ZNF488: variants seen among roughly 807,000 people sequenced by gnomAD.
ZNF488 encodes zinc finger protein 488.
In ZNF488, 1 loss-of-function variant was observed where a neutral mutation model predicts 1.2. The ratio of observed to expected loss-of-function variants is 0.86; its 90% CI spans 0.30 to 4.07. The LOEUF (loss-of-function observed/expected upper bound fraction) is 4.07. ZNF488 is among the 30% of genes most tolerant of loss of function. The probability of loss-of-function intolerance (pLI) is 0.18; values close to 1 mark genes in which losing one functional copy is unlikely to be tolerated. For missense variants in ZNF488, 450 were observed against 437.9 expected (o/e 1.03, Z -0.25); for synonymous variants, 185 against 190.1 (o/e 0.97, Z 0.22).
At position 47,384,234 on chromosome 10, in the gene ZNF488, G is replaced by T. The variant is rs1838095226; in HGVS notation, c.-123C>A. On this transcript the variant is annotated 5_prime_UTR_variant, in exon 1 of 2. Transcript: ENST00000585316. Reference sequence around the variant, plus strand: ...GTGCGCCTCACCTGGGCTCTCTGGAGATGTGGAGCAAGAGGTGCTGGTGCA... The same window carrying T: ...GTGCGCCTCACCTGGGCTCTCTGGATATGTGGAGCAAGAGGTGCTGGTGCA... The T allele has an allele frequency of 6.6e-6, 1 of 152,488 alleles. No individual in the cohort carries two copies. The highest frequency in any genetic ancestry group is 6.5e-5 in the Admixed American group (1 of 15,290). 9.4% of individuals were successfully genotyped at this position (152,488 alleles called of 1,614,324 possible). A position where few individuals can be genotyped will look rare whatever the true frequency, so the allele number is the denominator to read the frequency against.
chr10:47,371,160 G>A (rs71498262), intron 1 of ZNF488, among the ~76,000 whole-genome samples: 7,933 of 152,298 alleles, frequency 0.052, 277 homozygotes, highest in Middle Eastern at 0.16. Flanking sequence ...CTGGGGAACT[G>A]AGCCTAACAT....
At position 47,368,544 on chromosome 10, in the gene ZNF488, C is replaced by T. The variant is rs782697632; in HGVS notation, c.286G>A (p.Glu96Lys). The change falls in exon 2 of 2, where the codon GAG (glutamate) becomes AAG (lysine). Residue 96 changes from glutamate to lysine, a missense_variant. Coordinates refer to ENST00000585316, the MANE Select transcript of ZNF488 (RefSeq NM_153034.4). ...GKPLPPKTRG[E>K]QRQSAFTELP... is the part of the protein sequence containing the mutation. ...TCCGTGAAGGCGCTCTGCCTCTGCT[C>T]TCCACGTGTCTTCGGGGGCAGCGGC... 1.2e-6 allele frequency: 2 copies of T among 1,613,364 alleles called. No individual in the cohort carries two copies. Among genetic ancestry groups the T allele is most frequent in the South Asian group, 2.2e-5 (2 of 91,086 alleles).
At chr10:47,378,380 G>A (rs1372927546) in intron 1 of ZNF488, among the ~76,000 whole-genome samples, 1 of 152,172 alleles carries the variant, frequency 6.6e-6, no homozygotes, top group African/African-American at 2.4e-5. Context: ...CTCAAGTTCT[G>A]GAAACTAGAA....
In ZNF488 at chr10:47,367,969, C is replaced by T. The variant is rs1555213080; in HGVS notation, c.861G>A (p.Thr287=). ...ATCGCATGTGAAAGACCAGGTCGGA[C>T]GTTAGGCGAAAGGACAGGTTGCACT... ...CAKCNLSFRL[T]SDLVFHMRSH... The change falls in exon 2 of 2, where the codon ACG becomes ACA. Residue 287 remains threonine (T), a synonymous_variant. Transcript: ENST00000585316. 5.0e-6 allele frequency: 8 copies of T among 1,614,046 alleles called. No homozygotes were observed. The Admixed American group carries it at 6.7e-5, about 13-fold the overall frequency.
In ZNF488 at chr10:47,377,600, TCACACACACA is replaced by T. The variant is rs66911760; in HGVS notation, c.-109+6610_-109+6619del. Among the ~76,000 whole-genome samples, 54 of 114,770 alleles carry T rather than the reference TCACACACACA, an allele frequency of 4.7e-4. 1 individual carries two copies. The highest frequency in any genetic ancestry group is 1.9e-3 in the Admixed American group (21 of 11,086). The allele number at this position is 114,770 out of a possible 152,430, so 75.3% of individuals were successfully genotyped here. A position where few individuals can be genotyped will look rare whatever the true frequency, so the allele number is the denominator to read the frequency against. On this transcript the variant is annotated intron_variant, in intron 1 of 1. Transcript: ENST00000585316. Reference sequence around the variant, plus strand: ...CCCAGAGATGCCGGCAATAACAATCTCACACACACACACACACACACACACACACACACAC... The same window carrying T: ...CCCAGAGATGCCGGCAATAACAATCTCACACACACACACACACACACACAC...
intron 1 of ZNF488, among the ~76,000 whole-genome samples, chr10:47,376,395 G>C (rs183820697): frequency 1.6e-4 from 24 of 152,280 alleles, no homozygotes; most frequent in African/African-American, 5.3e-4. Flanking sequence ...GAGACAGAGA[G>C]GATTCCTGTA....
chr10:47,368,974 A>T (rs1837358581), intron 1 of ZNF488, 37 bp from the exon 2 acceptor site: 1 of 928,892 alleles, frequency 1.1e-6, no homozygotes, highest in East Asian at 2.6e-5. Context: ...TGAGATGGGC[A>T]TTCATCACTC....
chr10:47,378,087 G>C (rs1369580281), intron 1 of ZNF488, among the ~76,000 whole-genome samples: 1 of 152,198 alleles, frequency 6.6e-6, no homozygotes, highest in Non-Finnish European at 1.5e-5. Flanking sequence ...CCCCTAGAGA[G>C]AGCATGTGTA....
chr10:47,380,968 C>T (rs4996437), intron 1 of ZNF488, among the ~76,000 whole-genome samples: 4,016 of 87,800 alleles, frequency 0.046, 3 homozygotes, highest in African/African-American at 0.063. Flanking sequence ...TGCAAAGGGA[C>T]AGAGTCCACT....
At chr10:47,376,396 G>GA (rs1837683650) in intron 1 of ZNF488, among the ~76,000 whole-genome samples, 2 of 152,186 alleles carry the variant, frequency 1.3e-5, no homozygotes, top group African/African-American at 4.8e-5. Flanking sequence ...AGACAGAGAG[G>GA]ATTCCTGTAA....
At position 47,368,831 on chromosome 10, in the gene ZNF488, C is replaced by T. The variant is rs782608635; in HGVS notation, c.-2G>A. The T allele has an allele frequency of 7.6e-6, 12 of 1,579,300 alleles. No homozygotes were observed. Among genetic ancestry groups the T allele is most frequent in the Admixed American group, 3.5e-5 (2 of 56,600 alleles). On this transcript the variant is annotated 5_prime_UTR_variant, in exon 2 of 2. An upstream start codon of the reference 5' UTR is lost. Coordinates refer to ENST00000585316, the MANE Select transcript of ZNF488 (RefSeq NM_153034.4). ...TAAGCAAGGTGGCCACTCTGGCATT[C>T]ATCAGTCTTTGGGGGTTTGGGGTTC...
At chr10:47,370,563 A>G (rs1344490335) in intron 1 of ZNF488, among the ~76,000 whole-genome samples, 1 of 152,260 alleles carries the variant, frequency 6.6e-6, no homozygotes, top group East Asian at 1.9e-4. Context: ...CAGTCTGACC[A>G]TGGCTGGAAG....
intron 1 of ZNF488, among the ~76,000 whole-genome samples, chr10:47,372,908 G>C (rs1837535079): frequency 6.6e-6 from 1 of 152,202 alleles, no homozygotes; most frequent in African/African-American, 2.4e-5. Flanking sequence ...CTCTTGATGG[G>C]TGATGGAGGG....
chr10:47,380,949 C>T (rs1054154301), intron 1 of ZNF488, among the ~76,000 whole-genome samples: 15 of 152,272 alleles, frequency 9.9e-5, no homozygotes, highest in Admixed American at 3.3e-4. Flanking sequence ...CACTTCTTAT[C>T]GCACTGAGTG....
intron 1 of ZNF488, among the ~76,000 whole-genome samples, chr10:47,370,936 T>C (rs543421502): frequency 6.6e-6 from 1 of 152,346 alleles, no homozygotes; most frequent in South Asian, 2.1e-4. Flanking sequence ...ACTGAGAGCA[T>C]GCAGCATGCG....
intron 1 of ZNF488, among the ~76,000 whole-genome samples, chr10:47,372,966 G>A (rs571098392): frequency 1.3e-5 from 2 of 152,242 alleles, no homozygotes; most frequent in South Asian, 2.1e-4. Context: ...ACCTCCTGCC[G>A]GGTGTTGACA....
chr10:47,373,432 C>T (rs1392007355), intron 1 of ZNF488, among the ~76,000 whole-genome samples: 4 of 152,156 alleles, frequency 2.6e-5, no homozygotes, highest in South Asian at 2.1e-4. Context: ...ATGGGAAAGA[C>T]GTGGGTTTGA....
In ZNF488 at chr10:47,368,660, C is replaced by A. The variant is rs1555213345; in HGVS notation, c.170G>T (p.Gly57Val). Residue 57 changes from glycine to valine, a missense_variant, in exon 2 of 2, where the codon GGC (glycine) becomes GTC (valine). Physicochemically the swap from Gly to Val is moderately radical, Grantham distance 109. Coordinates refer to ENST00000585316, the MANE Select transcript of ZNF488 (RefSeq NM_153034.4). ...PVLLEKTNRL[G>V]PEAAVGRAGR... ...CGCCCTGCCCACAGCAGCCTCAGGG[C>A]CCAGGCGGTTCGTCTTCTCGAGCAG... The A allele has an allele frequency of 6.2e-7, 1 of 1,611,836 alleles. No homozygotes were observed. The highest frequency in any genetic ancestry group is 1.7e-5 in the Admixed American group (1 of 60,030).
In ZNF488 at chr10:47,368,299, G is replaced by A. The variant is rs782785653; in HGVS notation, c.531C>T (p.Thr177=). 44 of 1,614,106 alleles carry A rather than the reference G, an allele frequency of 2.7e-5. No individual in the cohort carries two copies. Among genetic ancestry groups the A allele is most frequent in the Non-Finnish European group, 3.7e-5 (44 of 1,180,060 alleles). ...TKRPAERPEL[T]SVFPAGESAD... ...CAGATTCCCCTGCAGGGAAGACTGA[G>A]GTTAGCTCAGGCCTCTCTGCTGGTC... Residue 177 remains threonine, a synonymous_variant, in exon 2 of 2, where the codon ACC becomes ACT. Transcript: ENST00000585316.
Sources: gnomAD v4.1 joint callset for allele counts (sites outside exome capture counted in the v4.1 genomes callset) on GRCh38, gnomAD v4.1.1 for gene constraint, MANE v1.5 for transcripts, NCBI Gene and HGNC (gene_info 2026-07-23, HGNC 2026-07-21) for gene names.